Variants in FSCN2 observed in about 807,000 individuals in gnomAD.
FSCN2 encodes the protein fascin-2.
In FSCN2, 46 loss-of-function variants were observed where a neutral mutation model predicts 37.8. The observed-to-expected ratio is 1.22, with a 90% CI of 0.96 to 1.56. The LOEUF (loss-of-function observed/expected upper bound fraction) is 1.56, where lower values mean the gene tolerates loss of function less well. Ranked by LOEUF, FSCN2 falls within the 40% of genes most tolerant of loss-of-function variation. The pLI is 0.00. For synonymous variants in FSCN2, 351 were observed against 309.4 expected, an observed-to-expected ratio of 1.13 and a Z score of -1.41; for missense variants, 844 against 730.4, an observed-to-expected ratio of 1.16 and a Z score of -1.79.
the FSCN2 span, among the ~76,000 whole-genome samples, chr17:81,520,470 C>T: frequency 6.6e-6 from 1 of 152,238 alleles, no homozygotes; most frequent in Non-Finnish European, 1.5e-5. Context: ...TTGACAAGCC[C>T]CATTTCCTCC....
At chr17:81,525,439 A>AAAAAAAAAAAAAAAAAAAAAC (rs2032323065), upstream of FSCN2, among the ~76,000 whole-genome samples, 1 of 149,062 alleles carries the variant, frequency 6.7e-6, no homozygotes, top group Non-Finnish European at 1.5e-5. Flanking sequence ...AAAAAAAAAA[A>AAAAAAAAAAAAAAAAAAAAAC]AGGCTGTGCC....
chr17:81,518,292 C>G, the FSCN2 span, among the ~76,000 whole-genome samples: 2 of 152,170 alleles, frequency 1.3e-5, no homozygotes, highest in African/African-American at 4.8e-5. Context: ...CACTCTCTGC[C>G]CTAGAGCATT....
chr17:81,533,197 C>A (rs145029034), intron 1 of FSCN2, among the ~76,000 whole-genome samples: 26 of 152,322 alleles, frequency 1.7e-4, no homozygotes, highest in African/African-American at 5.5e-4. Flanking sequence ...TCTCTTCCCC[C>A]CTGGGAGGGG....
At position 81,535,195 on chromosome 17, in the gene FSCN2, A is replaced by G; in HGVS notation, c.970A>G (p.Thr324Ala). ...TLVTHGGIHA[T>A]ATQVSANTMF... The stretch of plus-strand genomic sequence containing the variant: ...GGTCACCCATGGGGGCATTCACGCC[A>G]CAGCCACACAAGTGTGAGTGCACAC... Residue 324 changes from threonine (T) to alanine (A), a missense_variant, in exon 2 of 5, where the codon ACA becomes GCA. Physicochemically the swap from Thr to Ala is moderately conservative, Grantham distance 58. Transcript: ENST00000417245. 6.5e-7 allele frequency: 1 copy of G among 1,531,252 alleles called. No individual in the cohort carries two copies. The highest frequency in any genetic ancestry group is 8.7e-7 in the Non-Finnish European group (1 of 1,144,118). The allele number at this position is 1,531,252 out of a possible 1,614,324, so 94.9% of individuals were successfully genotyped here. A position where few individuals can be genotyped will look rare whatever the true frequency, so the allele number is the denominator to read the frequency against.
At position 81,531,342 on chromosome 17, in the gene FSCN2, GTGGTGA is replaced by G. The variant is rs782404062; in HGVS notation, c.826+1988_826+1993del. Among the ~76,000 whole-genome samples, 445 of 45,508 alleles carry G rather than the reference GTGGTGA, an allele frequency of 9.8e-3. 9 individuals carry two copies. The highest frequency in any genetic ancestry group is 0.023 in the African/African-American group (279 of 12,270). The allele number at this position is 45,508 out of a possible 152,430, so 29.9% of individuals were successfully genotyped here. Reference sequence around the variant, plus strand: ...GATGATGGTGGTGGTGGTGATGGTGGTGGTGATGATGGTGATGGTGATGATGGTGGT... The same window carrying G: ...GATGATGGTGGTGGTGGTGATGGTGGTGATGGTGATGGTGATGATGGTGGT... On this transcript the variant is annotated intron_variant, in intron 1 of 4. Coordinates refer to ENST00000417245, the MANE Select transcript of FSCN2 (RefSeq NM_012418.4).
At chr17:81,525,853 G>T (rs2032334846), upstream of FSCN2, among the ~76,000 whole-genome samples, 1 of 152,200 alleles carries the variant, frequency 6.6e-6, no homozygotes. Context: ...AGGTGGCTGG[G>T]CAACAGCCTG....
chr17:81,515,844 ATATTT>A, the FSCN2 span, among the ~76,000 whole-genome samples: 3 of 152,142 alleles, frequency 2.0e-5, no homozygotes, highest in Non-Finnish European at 4.4e-5. Flanking sequence ...CTTTTTCTTT[ATATTT>A]TATTTTATTG....
At chr17:81,532,629 A>ATGG (rs1568079787) in intron 1 of FSCN2, among the ~76,000 whole-genome samples, 1 of 145,634 alleles carries the variant, frequency 6.9e-6, no homozygotes, top group Non-Finnish European at 1.5e-5. Flanking sequence ...AATGGTGATG[A>ATGG]TGGTGATGGT....
chr17:81,515,708 G>C, the FSCN2 span, among the ~76,000 whole-genome samples: 1 of 152,216 alleles, frequency 6.6e-6, no homozygotes, highest in Non-Finnish European at 1.5e-5. Context: ...CACACCAGTT[G>C]ACAGGGCCCC....
the FSCN2 span, among the ~76,000 whole-genome samples, chr17:81,522,482 T>C: frequency 6.6e-6 from 1 of 152,200 alleles, no homozygotes; most frequent in African/African-American, 2.4e-5. Flanking sequence ...CGTAGAGTGA[T>C]AAATGGTCCG....
Position 81,529,225 on chromosome 17 carries a change from G to A in FSCN2, c.694G>A (p.Val232Met), listed in dbSNP as rs782154589. The A allele has an allele frequency of 1.2e-5, 19 of 1,599,564 alleles. No homozygotes were observed. Among genetic ancestry groups the A allele is most frequent in the Middle Eastern group, 3.3e-4 (2 of 6,056 alleles). ...CTGCGACGGCCACTACCTGGCACCC[G>A]TGGGGCCCGCAGGCACCCTCAAGGC... is the stretch of plus-strand genomic sequence containing the variant. The part of the protein sequence containing the change: ...KDCDGHYLAP[V>M]GPAGTLKAGR... The change falls in exon 1 of 5, where the codon GTG (valine) becomes ATG (methionine). Residue 232 changes from valine to methionine, a missense_variant. Transcript: ENST00000417245.
At chr17:81,523,450 G>A (rs1436072880), upstream of FSCN2, among the ~76,000 whole-genome samples, 1 of 152,226 alleles carries the variant, frequency 6.6e-6, no homozygotes, top group Non-Finnish European at 1.5e-5. Context: ...AAATCATGAG[G>A]TCGCCAGGCT....
At chr17:81,532,143 ATGGTGATGG>A (rs1327253452) in intron 1 of FSCN2, among the ~76,000 whole-genome samples, 1,315 of 131,266 alleles carry the variant, frequency 0.01, 49 homozygotes, top group African/African-American at 0.037. Flanking sequence ...GATGGTGATG[ATGGTGATGG>A]TGATGATGAT....
rs1001961521 is a variant in FSCN2 at position 81,532,374 on chromosome 17, A to G, written c.827-2678A>G. On this transcript the variant is annotated intron_variant, in intron 1 of 4. Coordinates refer to ENST00000417245, the MANE Select transcript of FSCN2 (RefSeq NM_012418.4). ...AGTGATGGTGGTGATGGTGATGGTG[A>G]TGATAGTGATGGCGATGATGGTGAT... Among the ~76,000 whole-genome samples, 137 of 129,458 alleles carry G rather than the reference A, an allele frequency of 1.1e-3. 1 individual carries two copies. The highest frequency in any genetic ancestry group is 4.2e-3 in the African/African-American group (130 of 30,800). 84.9% of individuals were successfully genotyped at this position (129,458 alleles called of 152,430 possible). A position where few individuals can be genotyped will look rare whatever the true frequency, so the allele number is the denominator to read the frequency against.
chr17:81,515,335 G>T, the FSCN2 span, among the ~76,000 whole-genome samples: 1 of 152,184 alleles, frequency 6.6e-6, no homozygotes, highest in Non-Finnish European at 1.5e-5. Context: ...GGAGGGGACC[G>T]CATGGATGGA....
At chr17:81,523,390 C>T (rs2032261000), upstream of FSCN2, among the ~76,000 whole-genome samples, 1 of 152,254 alleles carries the variant, frequency 6.6e-6, no homozygotes. Context: ...GTGCGGCCCC[C>T]TCGCCCGTGT....
chr17:81,520,664 C>G, the FSCN2 span, among the ~76,000 whole-genome samples: 1 of 152,232 alleles, frequency 6.6e-6, no homozygotes, highest in Non-Finnish European at 1.5e-5. Context: ...GTCCCTGTCT[C>G]TTGCTGGCAC....
At chr17:81,517,644 A>C in the FSCN2 span, among the ~76,000 whole-genome samples, 35 of 152,066 alleles carry the variant, frequency 2.3e-4, no homozygotes, top group Admixed American at 1.1e-3. Flanking sequence ...ACTGGGCCCG[A>C]GAAGAAGGCT....
At chr17:81,516,124 G>A in the FSCN2 span, among the ~76,000 whole-genome samples, 5 of 152,236 alleles carry the variant, frequency 3.3e-5, no homozygotes, top group East Asian at 1.9e-4. Flanking sequence ...GATTACAGGC[G>A]TGAGCCACCT....
Sources: allele counts gnomAD v4.1 joint callset (sites outside exome capture counted in the v4.1 genomes callset), GRCh38; gene constraint gnomAD v4.1.1; transcripts MANE v1.5; gene names NCBI Gene and HGNC (gene_info 2026-07-23, HGNC 2026-07-21).